NT5DC4: variants seen among roughly 807,000 people sequenced by gnomAD.
The protein encoded by NT5DC4 is 5'-nucleotidase domain containing 4, also known as 5'-nucleotidase domain-containing protein 4.
A neutral mutation model predicts 26.6 loss-of-function variants in NT5DC4; 44 were observed. The ratio of observed to expected loss-of-function variants is 1.65; its 90% confidence interval spans 1.30 to 2.13. The LOEUF is 2.13. NT5DC4 is among the 30% of genes most tolerant of loss of function. The probability of loss-of-function intolerance (pLI) is 0.00; values close to 1 mark genes in which losing one functional copy is unlikely to be tolerated. For synonymous variants in NT5DC4, 157 were observed against 86.7 expected (o/e 1.81, Z -4.51); for missense variants, 399 against 228.1 (o/e 1.75, Z -4.83).
Position 112,721,810 on chromosome 2 carries a change from C to G in NT5DC4, c.75-8C>G, listed in dbSNP as rs1304604496. 2.8e-6 allele frequency: 2 copies of G among 717,302 alleles called. No homozygotes were observed. Among genetic ancestry groups the G allele is most frequent in the Non-Finnish European group, 5.2e-6 (2 of 385,108 alleles). 44.4% of individuals were successfully genotyped at this position (717,302 alleles called of 1,614,324 possible). A position where few individuals can be genotyped will look rare whatever the true frequency, so the allele number is the denominator to read the frequency against. On this transcript the variant is annotated splice_polypyrimidine_tract_variant and splice_region_variant and intron_variant, in intron 1 of 16. Transcript: ENST00000688554. ...GACTGATGCCAACATCCTCCTCTCT[C>G]TCCCCAGGATTTTTGTCAACCGCAG... is the stretch of plus-strand genomic sequence containing the variant.
At chr2:112,726,872 G>C in intron 15 of NT5DC4, 134 bp downstream of exon 15, 1 of 669,682 alleles carries the variant, frequency 1.5e-6, no homozygotes. Flanking sequence ...CCTCGCCTGG[G>C]CTCCACCTGC....
At chr2:112,719,673 A>T (rs1311063187), upstream of NT5DC4, among the ~76,000 whole-genome samples, 1 of 151,636 alleles carries the variant, frequency 6.6e-6, no homozygotes, top group East Asian at 1.9e-4. Flanking sequence ...GTTAGTAGAG[A>T]TGGGGTTTCA....
downstream of NT5DC4, among the ~76,000 whole-genome samples, chr2:112,741,947 T>G (rs1387069061): frequency 2.1e-5 from 3 of 144,714 alleles, no homozygotes; most frequent in Admixed American, 6.8e-5. Flanking sequence ...TCTGTTTTTT[T>G]TTTTTTTTTT....
intron 13 of NT5DC4, among the ~76,000 whole-genome samples, 177 bp downstream of exon 13, chr2:112,725,729 G>T (rs549045869): frequency 6.6e-6 from 1 of 152,112 alleles, no homozygotes; most frequent in Non-Finnish European, 1.5e-5. Flanking sequence ...GAGGCTAAGC[G>T]GCCTGCCCGA....
rs1448592191 is a variant in NT5DC4 at position 112,739,064 on chromosome 2, A to T, written c.*128A>T. ...CCCATTTATTCTGAGAGACAGCAAG[A>T]GATGCATTAAAAACCTTATCATTTA... On this transcript the variant is annotated 3_prime_UTR_variant, in exon 17 of 17. Transcript: ENST00000688554. 1 of 1,577,422 alleles carries T rather than the reference A, an allele frequency of 6.3e-7. No homozygotes were observed. Among genetic ancestry groups the T allele is most frequent in the African/African-American group, 1.3e-5 (1 of 74,324 alleles).
intron 16 of NT5DC4, among the ~76,000 whole-genome samples, chr2:112,732,739 GGA>G (rs1678632440): frequency 6.6e-6 from 1 of 152,190 alleles, no homozygotes. Context: ...GCGAGGGAAA[GGA>G]GAGAGGTGGC....
chr2:112,739,262 A>G, downstream of NT5DC4, among the ~76,000 whole-genome samples: 1 of 152,164 alleles, frequency 6.6e-6, no homozygotes, highest in East Asian at 1.9e-4. Context: ...TTTACCAAAA[A>G]ATATAAAAAT....
At chr2:112,727,454 T>C (rs1677891140) in intron 15 of NT5DC4, among the ~76,000 whole-genome samples, 1 of 152,078 alleles carries the variant, frequency 6.6e-6, no homozygotes, top group African/African-American at 2.4e-5. Context: ...GCCAGGATAG[T>C]AGGAGCGAGG....
At chr2:112,740,665 G>A (rs1256873440), downstream of NT5DC4, among the ~76,000 whole-genome samples, 2 of 152,080 alleles carry the variant, frequency 1.3e-5, no homozygotes, top group South Asian at 2.1e-4. Flanking sequence ...ACCATAGGAC[G>A]GGGGTGAATG....
rs1676934911 is a variant in NT5DC4 at position 112,721,992 on chromosome 2, A to C, written c.155A>C (p.Lys52Thr). The change falls in exon 3 of 17, where the codon AAG (lysine) becomes ACG (threonine). Residue 52 changes from lysine to threonine, a missense_variant. Coordinates refer to ENST00000688554, the MANE Select transcript of NT5DC4 (RefSeq NM_001393655.1). ...TCTGTCCGGGCCTCTGCAGCCTACAAGTCCCCAGCTTATGAGGCCCTGACC... is the reference window on the plus strand; with the variant it reads ...TCTGTCCGGGCCTCTGCAGCCTACACGTCCCCAGCTTATGAGGCCCTGACC... ...FDMDYTLAAY[K>T]SPAYEALTFE... 1 of 717,140 alleles carries C rather than the reference A, an allele frequency of 1.4e-6. No homozygotes were observed. Among genetic ancestry groups the C allele is most frequent in the African/African-American group, 1.7e-5 (1 of 57,258 alleles). The allele number at this position is 717,140 out of a possible 1,614,324, so 44.4% of individuals were successfully genotyped here.
At chr2:112,719,841 TC>T (rs1169975531), upstream of NT5DC4, among the ~76,000 whole-genome samples, 20 of 11,306 alleles carry the variant, frequency 1.8e-3, no homozygotes, top group African/African-American at 2.3e-3. Flanking sequence ...CTTCCTTCCT[TC>T]CCTCCCTCCC....
chr2:112,725,202 A>C lies in NT5DC4; in HGVS notation c.944A>C (p.Tyr315Ser), dbSNP rs4849116. 0.96 allele frequency: 686,323 copies of C among 716,020 alleles called. 334,170 individuals are homozygous for C. The highest frequency in any genetic ancestry group is 1 in the East Asian group (37,195 of 37,196). 44.4% of individuals were successfully genotyped at this position (716,020 alleles called of 1,614,324 possible). The change falls in exon 12 of 17, where the codon TAC becomes TCC. Residue 315 changes from tyrosine to serine, a missense_variant. By Grantham distance (144) the Tyr-to-Ser change is moderately radical. Transcript: ENST00000688554. Reference protein sequence around the residue: ...EDSGKLHVGTYTGPHQHCAVY... With the variant: ...EDSGKLHVGTSTGPHQHCAVY... ...TCAGGAAAGCTCCACGTGGGCACCT[A>C]CACAGGGCCCCACCAGCACTGTGCT...
downstream of NT5DC4, chr2:112,740,816 A>G: frequency 6.2e-7 from 1 of 1,601,262 alleles, no homozygotes; most frequent in Non-Finnish European, 8.5e-7. Context: ...GAGTTTGCTT[A>G]CCTAGGGATT....
chr2:112,732,776 C>T (rs924182891), intron 16 of NT5DC4, among the ~76,000 whole-genome samples: 5 of 152,162 alleles, frequency 3.3e-5, no homozygotes, highest in African/African-American at 7.2e-5. Context: ...TGTGCTTTTC[C>T]TATGTCTGGC....
intron 16 of NT5DC4, among the ~76,000 whole-genome samples, chr2:112,735,036 ACATTTT>A (rs1678937024): frequency 9.5e-6 from 1 of 104,852 alleles, no homozygotes; most frequent in South Asian, 3.4e-4. Flanking sequence ...GGAGGCAAGA[ACATTTT>A]TTTTTTTTTT....
rs58104107 is a variant in NT5DC4, at chr2:112,722,349, G to A, written c.362+71G>A. 9.6e-3 allele frequency: 6,794 copies of A among 707,736 alleles called. 300 individuals carry two copies. The African/African-American group carries it at 0.1, about 11-fold the overall frequency. 43.8% of individuals were successfully genotyped at this position (707,736 alleles called of 1,614,324 possible). On this transcript the variant is annotated intron_variant, in intron 4 of 16. Coordinates refer to ENST00000688554, the MANE Select transcript of NT5DC4 (RefSeq NM_001393655.1). ...ACTGCTCACCTTGGGGGAGGACAGA[G>A]GGAGGGAGGGAGGAAGGACGCAGGC...
chr2:112,737,887 ATGTT>A (rs942235099), intron 16 of NT5DC4: 10 of 152,234 alleles, frequency 6.6e-5, no homozygotes, highest in Non-Finnish European at 1.2e-4. Context: ...TAGAAATTTA[ATGTT>A]GTTTTAAGAT....
downstream of NT5DC4, chr2:112,739,158 G>T: frequency 1.2e-6 from 1 of 848,614 alleles, no homozygotes; most frequent in Non-Finnish European, 1.8e-6. Context: ...TTAACATAGG[G>T]TGATACAAGA....
intron 16 of NT5DC4, among the ~76,000 whole-genome samples, chr2:112,735,709 G>C (rs555163177): frequency 7.2e-5 from 11 of 152,130 alleles, no homozygotes; most frequent in Non-Finnish European, 1.6e-4. Flanking sequence ...GAGGGTTACT[G>C]AGTATCTACA....
Sources: allele counts gnomAD v4.1 joint callset (sites outside exome capture counted in the v4.1 genomes callset), GRCh38; gene constraint gnomAD v4.1.1; transcripts MANE v1.5; gene names NCBI Gene and HGNC (gene_info 2026-07-23, HGNC 2026-07-21).